Variants in WWTR1 observed in about 807,000 individuals in gnomAD.
WWTR1 encodes the protein WW domain containing transcription regulator 1.
In WWTR1, 13 loss-of-function variants were observed where a neutral mutation model predicts 40.1. The observed-to-expected ratio is 0.32, with a 90% confidence interval of 0.21 to 0.52. The LOEUF is 0.52. Ranked by LOEUF, WWTR1 falls within the 20% of genes least tolerant of loss-of-function variation. The probability of loss-of-function intolerance (pLI) is 0.97; values close to 1 mark genes in which losing one functional copy is unlikely to be tolerated. For synonymous variants in WWTR1, 230 were observed against 210.1 expected (o/e 1.09, Z -0.82); for missense variants, 436 against 523.1 (o/e 0.83, Z 1.63).
chr3:149,685,438 C>G (rs961273437), intron 1 of WWTR1, among the ~76,000 whole-genome samples: 2 of 152,206 alleles, frequency 1.3e-5, no homozygotes, highest in Non-Finnish European at 2.9e-5. Flanking sequence ...CCCTAGGGTT[C>G]AGTCTACTCT....
intron 2 of WWTR1, among the ~76,000 whole-genome samples, chr3:149,601,295 A>G (rs994734968): frequency 3.3e-5 from 5 of 152,212 alleles, no homozygotes; most frequent in African/African-American, 1.2e-4. Flanking sequence ...GGTTCAAGCA[A>G]TACTAGTGCT....
intron 1 of WWTR1, among the ~76,000 whole-genome samples, chr3:149,692,869 A>T (rs1328702872): frequency 6.6e-6 from 1 of 152,096 alleles, no homozygotes; most frequent in Non-Finnish European, 1.5e-5. Flanking sequence ...TCCTGACCTC[A>T]GGTAATCCAC....
intron 1 of WWTR1, among the ~76,000 whole-genome samples, chr3:149,672,205 C>T (rs1335503902): frequency 6.6e-6 from 1 of 152,202 alleles, no homozygotes; most frequent in Non-Finnish European, 1.5e-5. Flanking sequence ...GGCCGCAAAG[C>T]CCAAAATAGT....
chr3:149,595,354 CA>C (rs1311116832), intron 2 of WWTR1, among the ~76,000 whole-genome samples: 1 of 151,686 alleles, frequency 6.6e-6, no homozygotes, highest in East Asian at 1.9e-4. Flanking sequence ...TGAAAATGTT[CA>C]AAAACAAAAG....
intron 3 of WWTR1, among the ~76,000 whole-genome samples, chr3:149,564,219 C>G (rs1487572064): frequency 6.6e-6 from 1 of 152,198 alleles, no homozygotes; most frequent in Non-Finnish European, 1.5e-5. Flanking sequence ...CTTTTGGGAG[C>G]AAACAAACCA....
intron 2 of WWTR1, among the ~76,000 whole-genome samples, chr3:149,577,168 C>G (rs189336128): frequency 6.6e-6 from 1 of 152,038 alleles, no homozygotes; most frequent in South Asian, 2.1e-4. Context: ...AAAGAACAAA[C>G]AAACAAACAA....
intron 2 of WWTR1, among the ~76,000 whole-genome samples, chr3:149,637,502 A>G (rs1366766747): frequency 1.3e-5 from 2 of 152,022 alleles, no homozygotes; most frequent in Admixed American, 1.3e-4. Context: ...AAGTGCTGGG[A>G]TTATCAGCAT....
chr3:149,559,932 T>C (rs760316447), intron 3 of WWTR1, among the ~76,000 whole-genome samples: 6 of 152,062 alleles, frequency 3.9e-5, no homozygotes, highest in African/African-American at 7.2e-5. Context: ...AACAGACCGG[T>C]TGGAGGTCTT....
At chr3:149,705,934 G>A (rs941991098), upstream of WWTR1, among the ~76,000 whole-genome samples, 1 of 152,202 alleles carries the variant, frequency 6.6e-6, no homozygotes, top group African/African-American at 2.4e-5. Context: ...GCTCATTTCT[G>A]TAATCCCAGC....
At chr3:149,608,573 A>G (rs1391464202) in intron 2 of WWTR1, among the ~76,000 whole-genome samples, 7 of 151,982 alleles carry the variant, frequency 4.6e-5, no homozygotes. Flanking sequence ...TTTTTAGTAG[A>G]GATGGGGGTT....
At chr3:149,586,654 GACTGTTGGTGGGCTCCT>G (rs1400938096) in intron 2 of WWTR1, among the ~76,000 whole-genome samples, 126 of 152,206 alleles carry the variant, frequency 8.3e-4, no homozygotes, top group Admixed American at 2.9e-3. Flanking sequence ...TTAATGAGGT[GACTGTTGGTGGGCTCCT>G]ACATAGCCTT....
At chr3:149,536,691 A>G (rs1735853028) in intron 4 of WWTR1, among the ~76,000 whole-genome samples, 1 of 151,776 alleles carries the variant, frequency 6.6e-6, no homozygotes, top group Non-Finnish European at 1.5e-5. Flanking sequence ...CGGCGACCCG[A>G]GGCCAGGCTT....
chr3:149,521,103 G>A (rs1386956201), intron 6 of WWTR1, 114 bp from the exon 7 acceptor site: 20 of 1,222,698 alleles, frequency 1.6e-5, no homozygotes, highest in Non-Finnish European at 2.3e-5. Flanking sequence ...CCACATTATT[G>A]ACCCTTACTC....
chr3:149,594,724 AACACACACACACCAC>A (rs1738895768), intron 2 of WWTR1, among the ~76,000 whole-genome samples: 1 of 148,966 alleles, frequency 6.7e-6, no homozygotes. Context: ...CACACACACA[AACACACACACACCAC>A]ACACACACAC....
intron 1 of WWTR1, chr3:149,701,931 C>T (rs539538861): frequency 1.1e-5 from 2 of 176,770 alleles, no homozygotes; most frequent in South Asian, 2.0e-4. Flanking sequence ...CTGCTTTCCC[C>T]TTACTTTGCT....
chr3:149,540,207 A>G (rs1406709175), intron 4 of WWTR1: 1 of 456,552 alleles, frequency 2.2e-6, no homozygotes, highest in Non-Finnish European at 4.4e-6. Context: ...CAACAATGCA[A>G]TTGCTCACTA....
upstream of WWTR1, among the ~76,000 whole-genome samples, chr3:149,704,539 G>A (rs1715281280): frequency 6.6e-6 from 1 of 152,184 alleles, no homozygotes; most frequent in Non-Finnish European, 1.5e-5. Flanking sequence ...CTTATATAAT[G>A]AAGCACTATT....
At chr3:149,681,867 T>C (rs1388647879) in intron 1 of WWTR1, among the ~76,000 whole-genome samples, 1 of 151,962 alleles carries the variant, frequency 6.6e-6, no homozygotes, top group Non-Finnish European at 1.5e-5. Flanking sequence ...AAACCTAAAA[T>C]AGTCAAATTT....
At chr3:149,628,037 C>A (rs574325695) in intron 2 of WWTR1, among the ~76,000 whole-genome samples, 12 of 140,252 alleles carry the variant, frequency 8.6e-5, no homozygotes, top group Non-Finnish European at 1.5e-4. Context: ...GGCGCCATTG[C>A]GCTGTAGCCT....
Sources: allele counts gnomAD v4.1 joint callset (sites outside exome capture counted in the v4.1 genomes callset), GRCh38; gene constraint gnomAD v4.1.1; transcripts MANE v1.5; gene names NCBI Gene and HGNC (gene_info 2026-07-23, HGNC 2026-07-21).